The following DST variants were observed in gnomAD, a reference collection of about 807,000 sequenced individuals.
The protein encoded by DST is bullous pemphigoid antigen.
In DST, 253 loss-of-function variants were observed where a neutral mutation model predicts 875.2. That is an observed-to-expected ratio of 0.29 (90% CI 0.26 to 0.32). DST has a LOEUF of 0.32. DST is among the 10% of genes least tolerant of loss of function. DST has a pLI of 1.00. For missense variants in DST, 8,287 were observed against 9,111.6 expected (o/e 0.91, Z 3.68); for synonymous variants, 3,124 against 3,197.1 (o/e 0.98, Z 0.77).
intron 5 of DST, among the ~76,000 whole-genome samples, chr6:56,715,892 C>G (rs959744415): frequency 6.6e-6 from 1 of 152,180 alleles, no homozygotes; most frequent in Non-Finnish European, 1.5e-5. Context: ...TTCCTATACG[C>G]CCCCCTTCCC....
At chr6:56,851,979 G>A in intron 3 of DST, 3 of 1,454,206 alleles carry the variant, frequency 2.1e-6, no homozygotes, top group Non-Finnish European at 2.7e-6. Flanking sequence ...CACCAGGACA[G>A]TAGAAATATT....
chr6:56,511,236 A>C lies in DST; in HGVS notation c.18741T>G (p.Arg6247=). 1 of 1,592,292 alleles carries C rather than the reference A, an allele frequency of 6.3e-7. No homozygotes were observed. The highest frequency in any genetic ancestry group is 1.1e-5 in the South Asian group (1 of 87,606). The part of the protein sequence containing the change: ...YSQIKEDVKK[R]AVALDEAISQ... ...AAATGGCTTCATCCAGTGCCACAGC[A>C]CGCTTTTTGACATCTTCTTTAATTT... The change falls in exon 73 of 104, where the codon CGT becomes CGG. Residue 6247 remains arginine, a synonymous_variant. Coordinates refer to ENST00000680361, the MANE Select transcript of DST (RefSeq NM_001374736.1).
At chr6:56,930,542 C>G (rs1260469502) in intron 2 of DST, among the ~76,000 whole-genome samples, 1 of 152,114 alleles carries the variant, frequency 6.6e-6, no homozygotes, top group South Asian at 2.1e-4. Flanking sequence ...TCCAGAATTC[C>G]ATACAGTTCC....
intron 98 of DST, among the ~76,000 whole-genome samples, chr6:56,468,231 A>T (rs2094688950): frequency 6.6e-6 from 1 of 152,172 alleles, no homozygotes; most frequent in Admixed American, 6.5e-5. Flanking sequence ...CTTAGTTTCA[A>T]AATTCTGATC....
chr6:56,492,870 CAA>C (rs376190394), intron 84 of DST, 62 bp downstream of exon 84: 26,996 of 927,636 alleles, frequency 0.029, no homozygotes, highest in South Asian at 0.045. Flanking sequence ...GACTCAGTCT[CAA>C]AAAAAAAAAA....
chr6:56,603,037 A>C lies in DST; in HGVS notation c.11158-6T>G, dbSNP rs1317470490. The stretch of plus-strand genomic sequence containing the variant: ...TGGGAAACTGCTAGTTTAGACTAGA[A>C]AAAAAAATTGTGCATTCAGTTATCT... On this transcript the variant is annotated splice_region_variant and splice_polypyrimidine_tract_variant and intron_variant, in intron 42 of 103. Transcript: ENST00000680361. 1 of 1,560,334 alleles carries C rather than the reference A, an allele frequency of 6.4e-7. No homozygotes were observed. Among genetic ancestry groups the C allele is most frequent in the East Asian group, 2.2e-5 (1 of 44,484 alleles).
intron 75 of DST, among the ~76,000 whole-genome samples, chr6:56,507,623 G>T (rs1032881083): frequency 6.6e-6 from 1 of 152,168 alleles, no homozygotes; most frequent in Non-Finnish European, 1.5e-5. Context: ...TCTAGAGTGA[G>T]GAAATAAGAT....
rs922776788 is a variant in DST at position 56,697,479 on chromosome 6, C to T, written c.1047+2174G>A. ...AACCAGAATGGATTCAGAGAGACTC[C>T]AGCACAGGTCCTGTCACCGAAAAAG... On this transcript the variant is annotated intron_variant, in intron 9 of 103. Coordinates refer to ENST00000680361, the MANE Select transcript of DST (RefSeq NM_001374736.1). Among the ~76,000 whole-genome samples the T allele has an allele frequency of 1.6e-4, 25 of 152,234 alleles. No individual in the cohort carries two copies. The Middle Eastern group carries it at 0.014, about 83-fold the overall frequency.
At chr6:56,819,887 T>C (rs1026603390) in intron 4 of DST, among the ~76,000 whole-genome samples, 14 of 152,246 alleles carry the variant, frequency 9.2e-5, no homozygotes, top group Non-Finnish European at 1.6e-4. Context: ...TGTTGATTTA[T>C]ATAAGCATTC....
chr6:56,636,235 CAT>C (rs754130073), intron 23 of DST, among the ~76,000 whole-genome samples: 3 of 142,748 alleles, frequency 2.1e-5, no homozygotes, highest in Admixed American at 6.9e-5. Context: ...AAACAATTCA[CAT>C]ATATATATAT....
intron 8 of DST, 124 bp from the exon 9 acceptor site, chr6:56,699,869 A>T: frequency 1.9e-6 from 1 of 534,296 alleles, no homozygotes; most frequent in Non-Finnish European, 3.2e-6. Context: ...AAACACCAGT[A>T]GTCAACTAAA....
At chr6:56,590,707 A>G (rs375360252) in intron 49 of DST, among the ~76,000 whole-genome samples, 115 of 152,292 alleles carry the variant, frequency 7.6e-4, no homozygotes, top group African/African-American at 2.6e-3. Flanking sequence ...CCTGGCCCAC[A>G]TCATCTCCCT....
Position 56,607,553 on chromosome 6 carries a change from T to C in DST, c.7075A>G (p.Arg2359Gly), listed in dbSNP as rs745896976. The C allele has an allele frequency of 4.3e-6, 7 of 1,609,918 alleles. No homozygotes were observed. The African/African-American group carries it at 6.7e-5, about 15-fold the overall frequency. Reference protein sequence around the residue: ...QTELADISMLRSDSENILTNY... With the variant: ...QTELADISMLGSDSENILTNY... The stretch of plus-strand genomic sequence containing the variant: ...GTAAGTATGTTTTCAGAGTCACTTC[T>C]AAGCATGCTAATGTCTGCAAGTTCA... The change falls in exon 40 of 104, where the codon AGA becomes GGA. Residue 2359 changes from arginine (R) to glycine (G), a missense_variant. Around this residue, in one of 10 missense-constraint regions of DST, gnomAD observed 3,138 missense variants for 3,116.6 expected, o/e 1.01. Transcript: ENST00000680361.
intron 4 of DST, among the ~76,000 whole-genome samples, chr6:56,814,710 C>CT (rs1162533095): frequency 6.6e-6 from 1 of 152,134 alleles, no homozygotes; most frequent in East Asian, 1.9e-4. Flanking sequence ...ACTCTCTACT[C>CT]TTAAGATGTT....
At chr6:56,947,672 T>C (rs962382465) in intron 2 of DST, among the ~76,000 whole-genome samples, 1 of 152,260 alleles carries the variant, frequency 6.6e-6, no homozygotes, top group Admixed American at 6.5e-5. Flanking sequence ...TAGCTGACAC[T>C]TATGTCTACT....
chr6:56,800,896 T>C (rs1173815646), intron 4 of DST, among the ~76,000 whole-genome samples: 1 of 151,930 alleles, frequency 6.6e-6, no homozygotes, highest in Non-Finnish European at 1.5e-5. Context: ...GGCACACACC[T>C]GTAGCCCCAG....
At chr6:56,661,912 A>T (rs2099044914) in intron 10 of DST, among the ~76,000 whole-genome samples, 1 of 152,014 alleles carries the variant, frequency 6.6e-6, no homozygotes, top group Non-Finnish European at 1.5e-5. Context: ...TTAAATGATC[A>T]CATCACTGAA....
At chr6:56,470,701 T>G (rs2094841882) in intron 95 of DST, among the ~76,000 whole-genome samples, 1 of 150,732 alleles carries the variant, frequency 6.6e-6, no homozygotes, top group Non-Finnish European at 1.5e-5. Context: ...TTCCTACTAA[T>G]GACAAAGTTA....
chr6:56,634,210 G>A lies in DST; in HGVS notation c.3543C>T (p.His1181=), dbSNP rs780539166. 2.5e-6 allele frequency: 4 copies of A among 1,613,626 alleles called. No homozygotes were observed. The highest frequency in any genetic ancestry group is 3.4e-6 in the Non-Finnish European group (4 of 1,179,898). Reference sequence around the variant, plus strand: ...AGGATACTACACTCTTCATGTTTATGTGAGACTCATGCCAAAGAGTCAGGA... The same window carrying A: ...AGGATACTACACTCTTCATGTTTATATGAGACTCATGCCAAAGAGTCAGGA... ...QNVLTLWHES[H]INMKSVVSWH... Residue 1181 remains histidine (H), a synonymous_variant, in exon 27 of 104, where the codon CAC becomes CAT. Transcript: ENST00000680361.
Sources: allele counts gnomAD v4.1 joint callset (sites outside exome capture counted in the v4.1 genomes callset), GRCh38; gene constraint gnomAD v4.1.1; regional missense constraint gnomAD v4.1.1; transcripts MANE v1.5; gene names NCBI Gene and HGNC (gene_info 2026-07-23, HGNC 2026-07-21).